CCSER1: variants seen among roughly 807,000 people sequenced by gnomAD.
CCSER1 encodes coiled-coil serine rich protein 1, also known as serine-rich coiled-coil domain-containing protein 1.
In CCSER1, 41 loss-of-function variants were observed where a neutral mutation model predicts 82.0. The observed-to-expected ratio is 0.50, with a 90% confidence interval of 0.39 to 0.65. The LOEUF is 0.65. CCSER1 is among the 30% of genes least tolerant of loss of function. CCSER1 has a pLI of 0.00. For synonymous variants in CCSER1, 414 were observed against 383.9 expected (o/e 1.08, Z -0.92); for missense variants, 1,119 against 1,064.2 (o/e 1.05, Z -0.72).
chr4:90,441,709 G>C (rs1422753040), intron 4 of CCSER1, among the ~76,000 whole-genome samples: 1 of 152,186 alleles, frequency 6.6e-6, no homozygotes, highest in Non-Finnish European at 1.5e-5. Flanking sequence ...TGTATTGCAT[G>C]TAAGAGACAA....
At chr4:90,594,467 C>A (rs998224737) in intron 5 of CCSER1, among the ~76,000 whole-genome samples, 2 of 152,034 alleles carry the variant, frequency 1.3e-5, no homozygotes, top group East Asian at 1.9e-4. Flanking sequence ...TTGCTGTACC[C>A]AACATAAGTA....
chr4:90,835,156 G>A (rs1016645454), intron 8 of CCSER1, among the ~76,000 whole-genome samples: 3 of 151,640 alleles, frequency 2.0e-5, no homozygotes, highest in Non-Finnish European at 2.9e-5. Flanking sequence ...ACGGTGAAAC[G>A]CCGTCTCTAC....
At chr4:91,263,485 G>A (rs376297435) in intron 10 of CCSER1, among the ~76,000 whole-genome samples, 22 of 151,850 alleles carry the variant, frequency 1.4e-4, no homozygotes, top group African/African-American at 5.1e-4. Flanking sequence ...ATGAGCACAC[G>A]GACTGCAAAT....
At chr4:90,980,146 A>G (rs1301414613) in intron 9 of CCSER1, among the ~76,000 whole-genome samples, 1 of 151,872 alleles carries the variant, frequency 6.6e-6, no homozygotes, top group Non-Finnish European at 1.5e-5. Flanking sequence ...GACCTTACTT[A>G]AAGGGCAAGA....
intron 9 of CCSER1, among the ~76,000 whole-genome samples, chr4:90,961,222 C>T (rs1266607973): frequency 6.6e-6 from 1 of 152,178 alleles, no homozygotes; most frequent in African/African-American, 2.4e-5. Flanking sequence ...CCAATAGTTA[C>T]ACCCAGATCC....
chr4:91,048,661 T>C (rs181865411), intron 9 of CCSER1, among the ~76,000 whole-genome samples: 11 of 152,282 alleles, frequency 7.2e-5, no homozygotes, highest in Middle Eastern at 6.8e-3. Flanking sequence ...TTATACACAC[T>C]CCTTCACTCA....
At chr4:91,126,886 C>T (rs530182350) in intron 10 of CCSER1, among the ~76,000 whole-genome samples, 29 of 151,836 alleles carry the variant, frequency 1.9e-4, no homozygotes, top group South Asian at 4.2e-4. Context: ...ATTGAAGATA[C>T]AGGGCCTGGA....
At chr4:91,108,895 T>C (rs1725860421) in intron 10 of CCSER1, among the ~76,000 whole-genome samples, 1 of 152,206 alleles carries the variant, frequency 6.6e-6, no homozygotes, top group Admixed American at 6.5e-5. Context: ...GGCATTTGAA[T>C]CAGTAGACTG....
intron 7 of CCSER1, among the ~76,000 whole-genome samples, chr4:90,784,445 G>C (rs112783627): frequency 1.3e-5 from 2 of 152,160 alleles, no homozygotes; most frequent in Admixed American, 6.5e-5. Context: ...CAAAAGTGAG[G>C]TTACAAGGAT....
At chr4:91,442,103 C>T (rs972497705) in intron 10 of CCSER1, among the ~76,000 whole-genome samples, 2 of 151,864 alleles carry the variant, frequency 1.3e-5, no homozygotes, top group African/African-American at 4.8e-5. Context: ...ACTTTCTTCA[C>T]AGAATTGGAA....
At chr4:90,463,833 A>G (rs1360483117) in intron 4 of CCSER1, among the ~76,000 whole-genome samples, 2 of 152,100 alleles carry the variant, frequency 1.3e-5, no homozygotes, top group African/African-American at 4.8e-5. Flanking sequence ...TTAATTTTGC[A>G]TGAAAGACAA....
chr4:91,017,830 T>TGG (rs1431210500), intron 9 of CCSER1, among the ~76,000 whole-genome samples: 1 of 145,100 alleles, frequency 6.9e-6, no homozygotes. Context: ...TGTGTGTGTG[T>TGG]GTGTGTGTGT....
chr4:90,966,734 A>C (rs1297477671), intron 9 of CCSER1, among the ~76,000 whole-genome samples: 2 of 152,158 alleles, frequency 1.3e-5, no homozygotes, highest in African/African-American at 4.8e-5. Context: ...TCTGATATCA[A>C]ATACAATTGC....
chr4:91,593,067 TATC>T (rs1764343246), intron 10 of CCSER1, among the ~76,000 whole-genome samples: 1 of 152,174 alleles, frequency 6.6e-6, no homozygotes, highest in Non-Finnish European at 1.5e-5. Context: ...CCATAAATTC[TATC>T]ATCACATCAT....
rs901156333 is a variant in CCSER1 at position 90,222,653 on chromosome 4, T to C, written c.-41-85591T>C. Reference sequence around the variant, plus strand: ...AATCCCTTGGTACTCTCTACCAACATTGGTTTTTTAAATTTTGTTTTTCCT... The same window carrying C: ...AATCCCTTGGTACTCTCTACCAACACTGGTTTTTTAAATTTTGTTTTTCCT... On this transcript the variant is annotated intron_variant, in intron 1 of 10. Coordinates refer to ENST00000509176, the MANE Select transcript of CCSER1 (RefSeq NM_001145065.2). Among the ~76,000 whole-genome samples the C allele has an allele frequency of 4.6e-5, 7 of 152,340 alleles. No homozygotes were observed. In the South Asian group the frequency reaches 8.3e-4, roughly 18 times the overall value.
At chr4:90,528,067 T>C (rs527667135) in intron 5 of CCSER1, among the ~76,000 whole-genome samples, 2 of 152,300 alleles carry the variant, frequency 1.3e-5, no homozygotes, top group African/African-American at 4.8e-5. Context: ...AACTTTAAAG[T>C]GGCAATTGCT....
chr4:90,488,890 G>A (rs1421814746), intron 5 of CCSER1, among the ~76,000 whole-genome samples: 1 of 152,168 alleles, frequency 6.6e-6, no homozygotes, highest in African/African-American at 2.4e-5. Flanking sequence ...GTGCAGAGGA[G>A]AGGGATAGGC....
At position 90,823,964 on chromosome 4, in the gene CCSER1, A is replaced by C. The variant is rs114749895; in HGVS notation, c.2094+8119A>C. 5.8e-3 allele frequency among the ~76,000 whole-genome samples: 886 copies of C among 152,038 alleles called. 13 individuals are homozygous for C. The highest frequency in any genetic ancestry group is 0.02 in the African/African-American group (848 of 41,510). ...AACTAGCTTCATTTCTTTTCTGGCC[A>C]TTATTAATATTAATTTATTGCCATA... On this transcript the variant is annotated intron_variant, in intron 8 of 10. Transcript: ENST00000509176.
intron 4 of CCSER1, among the ~76,000 whole-genome samples, chr4:90,448,029 ATTTTAGTT>A (rs1760895821): frequency 6.6e-6 from 1 of 152,254 alleles, no homozygotes; most frequent in South Asian, 2.1e-4. Flanking sequence ...AGCAAAATGC[ATTTTAGTT>A]AAACCACCCT....
Sources: allele counts gnomAD v4.1 joint callset (sites outside exome capture counted in the v4.1 genomes callset), GRCh38; gene constraint gnomAD v4.1.1; transcripts MANE v1.5; gene names NCBI Gene and HGNC (gene_info 2026-07-23, HGNC 2026-07-21).